SLC9D1: variants seen among roughly 807,000 people sequenced by gnomAD.
SLC9D1 encodes solute carrier family 9 member D1.
chr13:113,500,100 C>T, the SLC9D1 span: 1 of 1,584,118 alleles, frequency 6.3e-7, no homozygotes, highest in Non-Finnish European at 8.6e-7. Context: ...TATATTTTGA[C>T]CAAGCCCAGA....
the SLC9D1 span, chr13:113,527,244 C>G: frequency 1.3e-5 from 2 of 152,238 alleles, no homozygotes; most frequent in Admixed American, 1.3e-4. Context: ...CTCTTCTTCT[C>G]ATACCTGTTT....
the SLC9D1 span, chr13:113,503,916 ATTCAGTGTGT>A: frequency 1.7e-5 from 4 of 230,964 alleles, no homozygotes; most frequent in Non-Finnish European, 2.5e-5. Context: ...GAGCTTGCAT[ATTCAGTGTGT>A]TACCCTAGAA....
chr13:113,502,021 A>T, the SLC9D1 span: 1 of 695,298 alleles, frequency 1.4e-6, no homozygotes. Context: ...TTCAGGTGTC[A>T]CGGGAAGTCT....
chr13:113,495,321 C>A, the SLC9D1 span, among the ~76,000 whole-genome samples: 9 of 152,206 alleles, frequency 5.9e-5, no homozygotes, highest in Non-Finnish European at 7.3e-5. Context: ...ATACAAGGTA[C>A]ATCAACATTC....
the SLC9D1 span, among the ~76,000 whole-genome samples, chr13:113,509,434 T>G: frequency 1.0e-5 from 1 of 97,204 alleles, no homozygotes; most frequent in East Asian, 3.6e-4. Context: ...GGTGGGTGGG[T>G]CCCCCCTGGA....
At chr13:113,498,312 T>A in the SLC9D1 span, 2 of 1,464,730 alleles carry the variant, frequency 1.4e-6, no homozygotes, top group South Asian at 1.4e-5. Flanking sequence ...TCTTAATATA[T>A]CTCACTCTTC....
chr13:113,500,499 A>G, the SLC9D1 span, among the ~76,000 whole-genome samples: 3 of 152,228 alleles, frequency 2.0e-5, no homozygotes, highest in African/African-American at 4.8e-5. Flanking sequence ...CTAAGGAGTC[A>G]TATATGGCTT....
At chr13:113,548,492 C>T in the SLC9D1 span, 19 of 1,573,220 alleles carry the variant, frequency 1.2e-5, no homozygotes, top group South Asian at 6.9e-5. Context: ...TCGGGCGGCA[C>T]GGGCTGCACT....
chr13:113,545,533 C>T, the SLC9D1 span, among the ~76,000 whole-genome samples: 6 of 152,228 alleles, frequency 3.9e-5, no homozygotes, highest in Admixed American at 1.3e-4. Context: ...GACTGGAATG[C>T]ATTAGGCTCC....
the SLC9D1 span, among the ~76,000 whole-genome samples, chr13:113,538,730 T>C: frequency 2.0e-5 from 3 of 152,282 alleles, no homozygotes; most frequent in Admixed American, 2.0e-4. Flanking sequence ...TCTACAGTTT[T>C]GTTTTCTCAA....
chr13:113,493,861 C>G, the SLC9D1 span, among the ~76,000 whole-genome samples: 2 of 152,164 alleles, frequency 1.3e-5, no homozygotes, highest in African/African-American at 2.4e-5. Flanking sequence ...GAGCCTTCAC[C>G]GAGTCATCTG....
the SLC9D1 span, among the ~76,000 whole-genome samples, chr13:113,539,064 A>G: frequency 6.6e-6 from 1 of 152,242 alleles, no homozygotes; most frequent in Non-Finnish European, 1.5e-5. This position sits in a 1 kb window ranked among gnomAD's most constrained non-coding sequence, Gnocchi z 4.8. Flanking sequence ...AATATTTAAA[A>G]CAGTTGGAAA....
chr13:113,501,656 T>A, the SLC9D1 span: 2 of 925,468 alleles, frequency 2.2e-6, no homozygotes, highest in Admixed American at 4.8e-5. Flanking sequence ...TCAGGTGAAA[T>A]CGGGGAACTA....
At chr13:113,500,785 G>A in the SLC9D1 span, among the ~76,000 whole-genome samples, 2 of 152,174 alleles carry the variant, frequency 1.3e-5, no homozygotes, top group African/African-American at 2.4e-5. Context: ...CAGAAACCAA[G>A]CCAGAGAATC....
At chr13:113,534,875 A>C in the SLC9D1 span, 1 of 152,038 alleles carries the variant, frequency 6.6e-6, no homozygotes, top group South Asian at 2.1e-4. Context: ...AGGTCAGGAG[A>C]TCGAGACCAT....
At chr13:113,527,718 C>T in the SLC9D1 span, 9 of 152,194 alleles carry the variant, frequency 5.9e-5, no homozygotes, top group African/African-American at 2.2e-4. Flanking sequence ...TGTCTCTTGG[C>T]TAACAGGAAG....
chr13:113,507,159 C>T, the SLC9D1 span, among the ~76,000 whole-genome samples: 1 of 152,066 alleles, frequency 6.6e-6, no homozygotes, highest in African/African-American at 2.4e-5. Flanking sequence ...GGTCCCAACT[C>T]CTCTCACCCG....
At chr13:113,495,530 C>T in the SLC9D1 span, 3 of 1,323,878 alleles carry the variant, frequency 2.3e-6, no homozygotes, top group African/African-American at 1.5e-5. Context: ...CATGCAAGCT[C>T]AGTGGGGCAG....
chr13:113,495,965 C>T, the SLC9D1 span: 39 of 1,613,608 alleles, frequency 2.4e-5, no homozygotes, highest in African/African-American at 2.1e-4. Context: ...ACAAAGATGT[C>T]GTGAACATGA....
Sources: gnomAD v4.1 joint callset for allele counts (sites outside exome capture counted in the v4.1 genomes callset) on GRCh38, gnomAD v4.1.1 for gene constraint, Gnocchi (gnomAD v3.1) non-coding constraint, MANE v1.5 for transcripts, NCBI Gene and HGNC (gene_info 2026-07-23, HGNC 2026-07-21) for gene names.